The following TMEM178B variants were observed in gnomAD, a reference collection of about 807,000 sequenced individuals.
TMEM178B encodes transmembrane protein 178B.
Under a neutral mutation model 31.0 loss-of-function variants are expected in TMEM178B, and 5 were observed. The ratio of observed to expected loss-of-function variants is 0.16; its 90% CI spans 0.08 to 0.34. The LOEUF is 0.34. TMEM178B is among the 10% of genes least tolerant of loss of function. The pLI is 1.00. For synonymous variants in TMEM178B, 164 were observed against 164.0 expected, an observed-to-expected ratio of 1.00 and a Z score of 0.00; for missense variants, 275 against 400.3, an observed-to-expected ratio of 0.69 and a Z score of 2.67.
At chr7:141,180,990 A>C (rs777464235) in intron 1 of TMEM178B, among the ~76,000 whole-genome samples, 1 of 151,990 alleles carries the variant, frequency 6.6e-6, no homozygotes, top group Non-Finnish European at 1.5e-5. Flanking sequence ...CCACCCATCC[A>C]TCCACCCATC....
At chr7:141,354,749 T>G (rs1799790289) in intron 2 of TMEM178B, among the ~76,000 whole-genome samples, 1 of 152,188 alleles carries the variant, frequency 6.6e-6, no homozygotes, top group Non-Finnish European at 1.5e-5. Context: ...TTCACTCCCT[T>G]TAGTTCCATT....
rs369641368 is a variant in TMEM178B at position 141,103,735 on chromosome 7, G to A, written c.382+29043G>A. On this transcript the variant is annotated intron_variant, in intron 1 of 3. Coordinates refer to ENST00000565468, the MANE Select transcript of TMEM178B (RefSeq NM_001195278.2). ...CTGAATTTGTACAATAATGAGATGT[G>A]GTTTTTGAATTTGTACCATATAATA... Among the ~76,000 whole-genome samples the A allele has an allele frequency of 5.9e-5, 9 of 152,192 alleles. No homozygotes were observed. The South Asian group carries it at 8.3e-4, about 14-fold the overall frequency.
At chr7:141,089,914 C>T (rs191345313) in intron 1 of TMEM178B, among the ~76,000 whole-genome samples, 4 of 151,800 alleles carry the variant, frequency 2.6e-5, no homozygotes, top group South Asian at 2.1e-4. Flanking sequence ...ATGTAAATGA[C>T]GAGTTAATGG....
chr7:141,271,597 A>G (rs1177883109), intron 2 of TMEM178B, among the ~76,000 whole-genome samples: 2 of 151,962 alleles, frequency 1.3e-5, no homozygotes, highest in Non-Finnish European at 2.9e-5. Flanking sequence ...TTCATGACCC[A>G]TTTCCTCTCT....
intron 1 of TMEM178B, among the ~76,000 whole-genome samples, chr7:141,081,039 A>G (rs947484469): frequency 2.6e-5 from 4 of 152,218 alleles, no homozygotes; most frequent in African/African-American, 9.6e-5. Flanking sequence ...TCATTGTTTT[A>G]GAGTGTACTC....
intron 1 of TMEM178B, among the ~76,000 whole-genome samples, chr7:141,103,164 T>C (rs1379792885): frequency 6.6e-6 from 1 of 152,162 alleles, no homozygotes; most frequent in Non-Finnish European, 1.5e-5. Context: ...AGGAAAAAAA[T>C]TATTGCTCCC....
At chr7:141,415,429 T>C (rs755250734) in intron 2 of TMEM178B, 2 of 152,734 alleles carry the variant, frequency 1.3e-5, no homozygotes, top group Non-Finnish European at 2.9e-5. Context: ...GATGGGAAAA[T>C]TGAGACCTGT....
At chr7:141,088,403 C>G (rs1250295314) in intron 1 of TMEM178B, among the ~76,000 whole-genome samples, 1 of 152,070 alleles carries the variant, frequency 6.6e-6, no homozygotes, top group Non-Finnish European at 1.5e-5. Flanking sequence ...CTGTGTGTAG[C>G]TCTATTCTTA....
chr7:141,193,301 A>T (rs988199936), intron 1 of TMEM178B, among the ~76,000 whole-genome samples: 1 of 152,186 alleles, frequency 6.6e-6, no homozygotes, highest in African/African-American at 2.4e-5. Context: ...ACTAGATAAG[A>T]GACAGCTGTC....
chr7:141,346,896 G>A (rs1454162250), intron 2 of TMEM178B, among the ~76,000 whole-genome samples: 1 of 152,154 alleles, frequency 6.6e-6, no homozygotes, highest in Non-Finnish European at 1.5e-5. Context: ...TATGTTGAAG[G>A]TGGGGCCTGA....
chr7:141,113,139 T>C (rs10215085), intron 1 of TMEM178B, among the ~76,000 whole-genome samples: 32,782 of 152,120 alleles, frequency 0.22, 3,924 homozygotes, highest in African/African-American at 0.33. Flanking sequence ...ACTCAAGGCC[T>C]TTGCTCATGT....
At chr7:141,183,897 G>T (rs552786491) in intron 1 of TMEM178B, among the ~76,000 whole-genome samples, 1 of 152,350 alleles carries the variant, frequency 6.6e-6, no homozygotes, top group South Asian at 2.1e-4. Context: ...CCTCCTTGGT[G>T]TGCAGGACAG....
intron 1 of TMEM178B, among the ~76,000 whole-genome samples, chr7:141,203,997 C>T (rs1004517561): frequency 2.0e-5 from 3 of 152,180 alleles, no homozygotes; most frequent in South Asian, 2.1e-4. Flanking sequence ...GAAGAGAAAG[C>T]CTGCCTCATC....
chr7:141,075,489 A>G (rs952084903), intron 1 of TMEM178B, among the ~76,000 whole-genome samples: 4 of 152,266 alleles, frequency 2.6e-5, no homozygotes. Context: ...AATTTATTTG[A>G]TACTTTAATA....
intron 2 of TMEM178B, among the ~76,000 whole-genome samples, chr7:141,224,691 T>A (rs571203575): frequency 1.3e-5 from 2 of 152,274 alleles, no homozygotes; most frequent in South Asian, 4.1e-4. Context: ...CCCTGGGAAG[T>A]GGACTCAGAT....
chr7:141,242,263 A>G (rs999373038), intron 2 of TMEM178B, among the ~76,000 whole-genome samples: 4 of 152,184 alleles, frequency 2.6e-5, no homozygotes, highest in Non-Finnish European at 4.4e-5. Context: ...TTCATTTTAA[A>G]ATTTAAGTGG....
the TMEM178B span, among the ~76,000 whole-genome samples, chr7:141,491,483 AT>A: frequency 1.3e-5 from 2 of 152,156 alleles, no homozygotes; most frequent in African/African-American, 4.8e-5. Flanking sequence ...TTAAAGACAT[AT>A]TTTTATTGAG....
At chr7:141,310,741 G>A (rs1001197180) in intron 2 of TMEM178B, among the ~76,000 whole-genome samples, 5 of 152,168 alleles carry the variant, frequency 3.3e-5, no homozygotes, top group African/African-American at 4.8e-5. Flanking sequence ...AGGCAGTGTA[G>A]CAATTACTCA....
At chr7:141,385,930 C>T (rs1306914878) in intron 2 of TMEM178B, among the ~76,000 whole-genome samples, 1 of 152,242 alleles carries the variant, frequency 6.6e-6, no homozygotes, top group Non-Finnish European at 1.5e-5. Context: ...GGTTGTGTTG[C>T]AGAGAGATTG....
Sources: allele counts gnomAD v4.1 joint callset (sites outside exome capture counted in the v4.1 genomes callset), GRCh38; gene constraint gnomAD v4.1.1; transcripts MANE v1.5; gene names NCBI Gene and HGNC (gene_info 2026-07-23, HGNC 2026-07-21).